The following TNIK variants were observed in gnomAD, a reference collection of about 807,000 sequenced individuals.
The protein encoded by TNIK is TRAF2 and NCK interacting kinase.
A neutral mutation model predicts 191.3 loss-of-function variants in TNIK; 49 were observed. The ratio of observed to expected loss-of-function variants is 0.26; its 90% CI spans 0.20 to 0.32. The LOEUF (loss-of-function observed/expected upper bound fraction) is 0.32. Ranked by LOEUF, TNIK falls within the 10% of genes least tolerant of loss-of-function variation. TNIK has a pLI of 1.00. For synonymous variants in TNIK, 594 were observed against 600.9 expected, an observed-to-expected ratio of 0.99 and a Z score of 0.17; for missense variants, 1,155 against 1,702.3, an observed-to-expected ratio of 0.68 and a Z score of 5.66.
At chr3:171,315,031 C>T (rs184342080) in intron 2 of TNIK, among the ~76,000 whole-genome samples, 1 of 152,212 alleles carries the variant, frequency 6.6e-6, no homozygotes, top group African/African-American at 2.4e-5. Context: ...GTAACAACAA[C>T]CACAAACCCC....
At chr3:171,398,554 A>G (rs1720524617) in intron 1 of TNIK, among the ~76,000 whole-genome samples, 1 of 152,178 alleles carries the variant, frequency 6.6e-6, no homozygotes, top group African/African-American at 2.4e-5. Flanking sequence ...ATTTGTACCC[A>G]GTCCAACTTT....
At chr3:171,233,342 TA>T (rs533190454) in intron 2 of TNIK, among the ~76,000 whole-genome samples, 5 of 151,502 alleles carry the variant, frequency 3.3e-5, no homozygotes, top group Admixed American at 2.6e-4. Context: ...ACCATGAAAA[TA>T]AATCAAATCA....
intron 2 of TNIK, among the ~76,000 whole-genome samples, chr3:171,359,693 T>C (rs1308047130): frequency 6.6e-6 from 1 of 152,148 alleles, no homozygotes; most frequent in Non-Finnish European, 1.5e-5. Context: ...ATATGCAAAA[T>C]ATCCAAGCAG....
chr3:171,460,106 G>A lies in TNIK; in HGVS notation c.-43C>T. ...AGAAATGGACCAAAACCACCCCGAAGCTTTTCCCTTGGAAATTCCACCTTG... is the reference window on the plus strand; with the variant it reads ...AGAAATGGACCAAAACCACCCCGAAACTTTTCCCTTGGAAATTCCACCTTG... On this transcript the variant is annotated 5_prime_UTR_variant, in exon 1 of 33. Transcript: ENST00000436636. The surrounding 1 kb of genome is among the most constrained non-coding windows in gnomAD (Gnocchi z 6.8). The A allele has an allele frequency of 6.3e-7, 1 of 1,578,246 alleles. No individual in the cohort carries two copies. Among genetic ancestry groups the A allele is most frequent in the Non-Finnish European group, 8.6e-7 (1 of 1,161,588 alleles).
chr3:171,118,423 A>G (rs1377870914), intron 18 of TNIK, among the ~76,000 whole-genome samples: 1 of 152,200 alleles, frequency 6.6e-6, no homozygotes, highest in Non-Finnish European at 1.5e-5. Context: ...TTCTTCACAG[A>G]ATTGGAAAAA....
intron 10 of TNIK, among the ~76,000 whole-genome samples, chr3:171,164,169 G>C (rs1734332657): frequency 6.6e-6 from 1 of 152,132 alleles, no homozygotes; most frequent in African/African-American, 2.4e-5. Flanking sequence ...CTATTCCCAA[G>C]AATCTTACTT....
intron 2 of TNIK, among the ~76,000 whole-genome samples, chr3:171,314,247 C>T (rs1754354387): frequency 6.6e-6 from 1 of 152,146 alleles, no homozygotes; most frequent in South Asian, 2.1e-4. Context: ...TTATGAGAAC[C>T]TCTACTTTAG....
intron 13 of TNIK, 73 bp from the exon 14 acceptor site, chr3:171,139,629 G>C (rs774876987): frequency 7.0e-7 from 1 of 1,437,500 alleles, no homozygotes; most frequent in Non-Finnish European, 9.8e-7. Context: ...TTTCAAAGGC[G>C]ACAAGAGCCG....
At chr3:171,154,388 C>A (rs536671111) in intron 12 of TNIK, among the ~76,000 whole-genome samples, 5 of 152,198 alleles carry the variant, frequency 3.3e-5, no homozygotes, top group African/African-American at 1.2e-4. Context: ...ATGTTGGTGT[C>A]CTGAAAGAGT....
chr3:171,211,103 C>G lies in TNIK; in HGVS notation c.306+13G>C, dbSNP rs369434719. 1.2e-6 allele frequency: 2 copies of G among 1,609,814 alleles called. No individual in the cohort carries two copies. The highest frequency in any genetic ancestry group is 2.2e-5 in the South Asian group (2 of 89,848). ...TTTATGTAAATAAAGCAAATTTGGA[C>G]GGCAGTACATACCCAAAGTTGGTCA... On this transcript the variant is annotated intron_variant, in intron 4 of 32. Transcript: ENST00000436636.
Position 171,084,303 on chromosome 3 carries a change from A to G in TNIK, c.3021T>C (p.Leu1007=), listed in dbSNP as rs773382883. The change falls in exon 26 of 33, where the codon CTT becomes CTC. Residue 1007 remains leucine, a synonymous_variant. Coordinates refer to ENST00000436636, the MANE Select transcript of TNIK (RefSeq NM_015028.4). ...CATTGAGTTTGGCCTGTTCTTGCCT[A>G]AGAAGTTCGCTAGTAAACAGAGCTT... ...SAAALFTSEL[L]RQEQAKLNEA... is the part of the protein sequence containing the mutation. The G allele has an allele frequency of 1.9e-6, 3 of 1,613,418 alleles. No homozygotes were observed. Among genetic ancestry groups the G allele is most frequent in the Non-Finnish European group, 2.5e-6 (3 of 1,179,544 alleles).
chr3:171,187,474 G>A (rs2108821041), intron 7 of TNIK, among the ~76,000 whole-genome samples: 1 of 152,238 alleles, frequency 6.6e-6, no homozygotes, highest in South Asian at 2.1e-4. Flanking sequence ...TCAACACTGA[G>A]ATACGGGGCC....
intron 1 of TNIK, among the ~76,000 whole-genome samples, chr3:171,378,215 G>A (rs1188374788): frequency 6.6e-6 from 1 of 152,180 alleles, no homozygotes; most frequent in Non-Finnish European, 1.5e-5. Flanking sequence ...TAGCTAGGAT[G>A]AATGCTAATT....
chr3:171,330,557 A>G (rs2108363898), intron 2 of TNIK, among the ~76,000 whole-genome samples: 1 of 152,306 alleles, frequency 6.6e-6, no homozygotes, highest in South Asian at 2.1e-4. Context: ...ATAACAAAAG[A>G]GTAGGGGGTT....
chr3:171,174,816 AAT>A (rs1298437856), intron 9 of TNIK, among the ~76,000 whole-genome samples: 1 of 152,220 alleles, frequency 6.6e-6, no homozygotes, highest in Non-Finnish European at 1.5e-5. Flanking sequence ...GAGCCAGAGA[AAT>A]AATCTCAAAC....
chr3:171,114,599 G>A (rs934508834), intron 18 of TNIK, among the ~76,000 whole-genome samples: 40 of 152,270 alleles, frequency 2.6e-4, no homozygotes, highest in Middle Eastern at 3.4e-3. Context: ...AGTGAAAAAC[G>A]TATGTACAAA....
At chr3:171,263,315 T>G (rs1347484626) in intron 2 of TNIK, among the ~76,000 whole-genome samples, 1 of 152,170 alleles carries the variant, frequency 6.6e-6, no homozygotes, top group Non-Finnish European at 1.5e-5. Flanking sequence ...GGATATGAAT[T>G]GGGATTTGCA....
intron 29 of TNIK, 59 bp downstream of exon 29, chr3:171,071,164 A>G: frequency 7.3e-7 from 1 of 1,367,112 alleles, no homozygotes; most frequent in East Asian, 2.5e-5. Context: ...TATTTTATTA[A>G]TGGGTAGAAA....
chr3:171,259,455 A>G (rs982113592), intron 2 of TNIK, among the ~76,000 whole-genome samples: 18 of 152,222 alleles, frequency 1.2e-4, no homozygotes, highest in African/African-American at 4.3e-4. Flanking sequence ...GAGTCCAGTC[A>G]GGACCACTGA....
Sources: allele counts gnomAD v4.1 joint callset (sites outside exome capture counted in the v4.1 genomes callset), GRCh38; gene constraint gnomAD v4.1.1; non-coding constraint Gnocchi (gnomAD v3.1); transcripts MANE v1.5; gene names NCBI Gene and HGNC (gene_info 2026-07-23, HGNC 2026-07-21).